The following TAF4B variants were observed in gnomAD, a reference collection of about 807,000 sequenced individuals.
TAF4B encodes TATA-box binding protein associated factor 4b.
In TAF4B, 38 loss-of-function variants were observed where a neutral mutation model predicts 86.4. That is an observed-to-expected ratio of 0.44 (90% CI 0.34 to 0.58). The LOEUF (loss-of-function observed/expected upper bound fraction) is 0.58, where lower values mean the gene tolerates loss of function less well. Ranked by LOEUF, TAF4B falls within the 20% of genes least tolerant of loss-of-function variation. The pLI, the probability that TAF4B is intolerant of heterozygous loss-of-function variation, is 0.02. For synonymous variants in TAF4B, 388 were observed against 391.2 expected, an observed-to-expected ratio of 0.99 and a Z score of 0.10; for missense variants, 988 against 1,027.6, an observed-to-expected ratio of 0.96 and a Z score of 0.53.
At chr18:26,296,527 T>A (rs1462223689) in intron 9 of TAF4B, among the ~76,000 whole-genome samples, 1 of 152,110 alleles carries the variant, frequency 6.6e-6, no homozygotes, top group Non-Finnish European at 1.5e-5. Context: ...TGAAAAAGTT[T>A]GCATGGGATT....
intron 12 of TAF4B, 85 bp downstream of exon 12, chr18:26,327,225 T>C: frequency 6.7e-7 from 1 of 1,495,570 alleles, no homozygotes; most frequent in South Asian, 1.3e-5. Flanking sequence ...GTCTTGGTTT[T>C]ATTAGGCCTT....
At chr18:26,343,515 C>G (rs72881823) in intron 13 of TAF4B, among the ~76,000 whole-genome samples, 6,641 of 152,272 alleles carry the variant, frequency 0.044, 201 homozygotes, top group Non-Finnish European at 0.061. Flanking sequence ...GTTGTAGCCA[C>G]AGATCACAGA....
At chr18:26,284,053 CAAA>C (rs199554921) in intron 6 of TAF4B, among the ~76,000 whole-genome samples, 1 of 130,382 alleles carries the variant, frequency 7.7e-6, no homozygotes, top group Non-Finnish European at 1.6e-5. Context: ...GACTCCGTCT[CAAA>C]AAAAAAAAAA....
rs1165071123 is a variant in TAF4B at position 26,267,546 on chromosome 18, G to A, written c.520G>A (p.Ala174Thr). The A allele has an allele frequency of 6.2e-7, 1 of 1,614,098 alleles. No individual in the cohort carries two copies. The stretch of plus-strand genomic sequence containing the variant: ...TAGCTCACAATTAATCAAGAAAGTG[G>A]CAGTGACACCTGTTAAAAAATTGGC... ...NSSSQLIKKV[A>T]VTPVKKLAQI... Residue 174 changes from alanine (A) to threonine (T), a missense_variant, in exon 3 of 15, where the codon GCA becomes ACA. Ala to Thr is a moderately conservative substitution (Grantham distance 58). Around this residue, in one of 3 missense-constraint regions of TAF4B, gnomAD observed 747 missense variants for 737.9 expected, o/e 1.01. Coordinates refer to ENST00000269142, the MANE Select transcript of TAF4B (RefSeq NM_005640.3).
At chr18:26,346,797 A>ATGTGTG (rs1186267913) in intron 13 of TAF4B, among the ~76,000 whole-genome samples, 3 of 21,382 alleles carry the variant, frequency 1.4e-4, no homozygotes, top group Non-Finnish European at 2.4e-4. Flanking sequence ...ATATATATAT[A>ATGTGTG]TGTGTATATA....
At chr18:26,330,591 A>G (rs905722420) in intron 12 of TAF4B, among the ~76,000 whole-genome samples, 2 of 152,204 alleles carry the variant, frequency 1.3e-5, no homozygotes, top group African/African-American at 4.8e-5. Flanking sequence ...GGACAGATCT[A>G]GGAAATGTAT....
intron 5 of TAF4B, among the ~76,000 whole-genome samples, chr18:26,281,667 T>G (rs2056451078): frequency 6.6e-6 from 1 of 152,200 alleles, no homozygotes; most frequent in Non-Finnish European, 1.5e-5. Context: ...CACGCGTGCC[T>G]TCAATTCTTA....
chr18:26,388,763 G>A (rs1201994109), intron 14 of TAF4B, among the ~76,000 whole-genome samples: 1 of 152,080 alleles, frequency 6.6e-6, no homozygotes, highest in Non-Finnish European at 1.5e-5. Flanking sequence ...GTGATATGGT[G>A]GATAATATAG....
chr18:26,246,246 A>G (rs955018495), intron 1 of TAF4B, among the ~76,000 whole-genome samples: 1 of 152,196 alleles, frequency 6.6e-6, no homozygotes, highest in African/African-American at 2.4e-5. Context: ...ATACCAGTGT[A>G]TGGGTTTGTT....
Position 26,239,038 on chromosome 18 carries a change from T to C in TAF4B, c.343+11762T>C, listed in dbSNP as rs564230252. Among the ~76,000 whole-genome samples, 327 of 152,348 alleles carry C rather than the reference T, an allele frequency of 2.1e-3. 1 individual carries two copies. Among genetic ancestry groups the C allele is most frequent in the African/African-American group, 6.9e-3 (285 of 41,572 alleles). On this transcript the variant is annotated intron_variant, in intron 1 of 14. Transcript: ENST00000269142. ...AAGTCTTTGCTATTGTGAATAGTGCTGCAGTAAACACACATGTGCGTGTGT... is the reference window on the plus strand; with the variant it reads ...AAGTCTTTGCTATTGTGAATAGTGCCGCAGTAAACACACATGTGCGTGTGT...
intron 7 of TAF4B, among the ~76,000 whole-genome samples, chr18:26,287,628 C>T (rs960663223): frequency 2.0e-5 from 3 of 152,176 alleles, no homozygotes; most frequent in Non-Finnish European, 1.5e-5. Flanking sequence ...CTATCTTCTA[C>T]GATAACAGAG....
intron 3 of TAF4B, among the ~76,000 whole-genome samples, chr18:26,268,565 C>A (rs998482582): frequency 1.3e-5 from 2 of 152,128 alleles, no homozygotes; most frequent in African/African-American, 2.4e-5. Flanking sequence ...AGGGTTGCTA[C>A]GGCTTGTCTA....
At chr18:26,381,947 C>A (rs2057482679) in intron 14 of TAF4B, among the ~76,000 whole-genome samples, 1 of 122,740 alleles carries the variant, frequency 8.1e-6, no homozygotes, top group East Asian at 2.5e-4. Context: ...CTAATGGTTT[C>A]TCTTTTTTTC....
intron 11 of TAF4B, among the ~76,000 whole-genome samples, chr18:26,321,548 CTT>C (rs35766251): frequency 2.8e-3 from 397 of 140,448 alleles, no homozygotes; most frequent in African/African-American, 3.7e-3. Flanking sequence ...ATTCCTGTTC[CTT>C]TTTTTTTTTT....
chr18:26,296,695 A>G (rs1598771349), intron 9 of TAF4B, among the ~76,000 whole-genome samples: 1 of 152,156 alleles, frequency 6.6e-6, no homozygotes, highest in Non-Finnish European at 1.5e-5. Flanking sequence ...AATACACCAA[A>G]AAGATTCCTT....
intron 14 of TAF4B, among the ~76,000 whole-genome samples, chr18:26,385,937 T>C (rs1048995069): frequency 2.0e-4 from 30 of 152,158 alleles, no homozygotes; most frequent in African/African-American, 6.8e-4. Context: ...GGCCAGGTCA[T>C]TGTGATTGAC....
At chr18:26,253,857 T>C (rs578105678) in intron 1 of TAF4B, among the ~76,000 whole-genome samples, 3 of 152,240 alleles carry the variant, frequency 2.0e-5, no homozygotes, top group Non-Finnish European at 1.5e-5. Context: ...TATAATTGTT[T>C]CTAGTCTTCC....
intron 14 of TAF4B, among the ~76,000 whole-genome samples, chr18:26,372,779 G>C (rs1458916091): frequency 2.6e-5 from 4 of 151,910 alleles, no homozygotes; most frequent in East Asian, 1.9e-4. Context: ...GACCATCCTG[G>C]CTAACCCAGT....
At chr18:26,374,529 TATA>T (rs1490638994) in intron 14 of TAF4B, among the ~76,000 whole-genome samples, 1 of 152,214 alleles carries the variant, frequency 6.6e-6, no homozygotes, top group Non-Finnish European at 1.5e-5. Flanking sequence ...TAGGATTGCC[TATA>T]ATAAGTATCA....
Sources: allele counts gnomAD v4.1 joint callset (sites outside exome capture counted in the v4.1 genomes callset), GRCh38; gene constraint gnomAD v4.1.1; regional missense constraint gnomAD v4.1.1; transcripts MANE v1.5; gene names NCBI Gene and HGNC (gene_info 2026-07-23, HGNC 2026-07-21).